The following HERC5 variants were observed in gnomAD, a reference collection of about 807,000 sequenced individuals.
HERC5 encodes HECT and RLD domain containing E3 ubiquitin protein ligase 5.
In HERC5, 99 loss-of-function variants were observed where a neutral mutation model predicts 119.6. That is an observed-to-expected ratio of 0.83 (90% confidence interval 0.70 to 0.98). The LOEUF (loss-of-function observed/expected upper bound fraction) is 0.98, where lower values mean the gene tolerates loss of function less well. Among genes scored for constraint, HERC5 ranks in the 50% least tolerant of loss-of-function variants. The probability of loss-of-function intolerance (pLI) is 0.00; values close to 1 mark genes in which losing one functional copy is unlikely to be tolerated. For synonymous variants in HERC5, 478 were observed against 445.9 expected (o/e 1.07, Z -0.91); for missense variants, 1,267 against 1,241.3 (o/e 1.02, Z -0.31).
chr4:88,457,236 C>T lies in HERC5; in HGVS notation c.-34C>T. On this transcript the variant is annotated 5_prime_UTR_variant, in exon 1 of 23. Coordinates refer to ENST00000264350, the MANE Select transcript of HERC5 (RefSeq NM_016323.4). Reference sequence around the variant, plus strand: ...GTCCCGGGACCAGGCGTTCTCTCCTCTCGCCTCTGGGCCTGGGACCCCGCA... The same window carrying T: ...GTCCCGGGACCAGGCGTTCTCTCCTTTCGCCTCTGGGCCTGGGACCCCGCA... 1.5e-6 allele frequency: 2 copies of T among 1,300,696 alleles called. No individual in the cohort carries two copies. The highest frequency in any genetic ancestry group is 4.1e-5 in the South Asian group (2 of 48,234). The allele number at this position is 1,300,696 out of a possible 1,614,324, so 80.6% of individuals were successfully genotyped here. A position where few individuals can be genotyped will look rare whatever the true frequency, so the allele number is the denominator to read the frequency against.
intron 12 of HERC5, among the ~76,000 whole-genome samples, chr4:88,477,573 A>AG (rs1274555929): frequency 4.1e-5 from 2 of 48,780 alleles, no homozygotes; most frequent in Non-Finnish European, 7.6e-5. Flanking sequence ...AAGGGAGGGG[A>AG]GGGGATGGGA....
intron 1 of HERC5, chr4:88,457,886 TC>T: frequency 9.5e-7 from 1 of 1,057,602 alleles, no homozygotes; most frequent in Non-Finnish European, 1.1e-6. Context: ...TCCCACTGTC[TC>T]GTTTTGAGAA....
Position 88,457,125 on chromosome 4 carries a change from T to G in HERC5, c.-145T>G, listed in dbSNP as rs531374542. The G allele has an allele frequency of 1.1e-5, 13 of 1,232,158 alleles. No individual in the cohort carries two copies. In the African/African-American group the frequency reaches 1.2e-4, roughly 12 times the overall value. The allele number at this position is 1,232,158 out of a possible 1,614,324, so 76.3% of individuals were successfully genotyped here. On this transcript the variant is annotated 5_prime_UTR_variant, in exon 1 of 23. Coordinates refer to ENST00000264350, the MANE Select transcript of HERC5 (RefSeq NM_016323.4). ...GGCGTCCCGGCAGGGGCTCAGTAGC[T>G]GAGGCTGCGGTTCCCCGACGCCACG...
intron 12 of HERC5, among the ~76,000 whole-genome samples, chr4:88,478,029 C>T (rs1395273727): frequency 6.6e-6 from 1 of 152,132 alleles, no homozygotes; most frequent in Non-Finnish European, 1.5e-5. Context: ...TATTTTTTCA[C>T]AAATTAATTA....
chr4:88,497,648 C>T (rs1236170698), intron 18 of HERC5, among the ~76,000 whole-genome samples: 1 of 152,116 alleles, frequency 6.6e-6, no homozygotes, highest in Non-Finnish European at 1.5e-5. Flanking sequence ...TGGAATTTAT[C>T]ATTAGAAAAA....
chr4:88,486,399 A>G lies in HERC5; in HGVS notation c.1851+171A>G, dbSNP rs1156348748. Among the ~76,000 whole-genome samples, 3 of 152,186 alleles carry G rather than the reference A, an allele frequency of 2.0e-5. No individual in the cohort carries two copies. The East Asian group carries it at 5.8e-4, about 29-fold the overall frequency. On this transcript the variant is annotated intron_variant, in intron 14 of 22. Coordinates refer to ENST00000264350, the MANE Select transcript of HERC5 (RefSeq NM_016323.4). ...GAGTTCCAGCAGAAAAGTGATTGGCACCTTGGGAGATGACTATGGGAGTAT... is the reference window on the plus strand; with the variant it reads ...GAGTTCCAGCAGAAAAGTGATTGGCGCCTTGGGAGATGACTATGGGAGTAT...
chr4:88,480,663 GA>G (rs1189078361), intron 13 of HERC5, among the ~76,000 whole-genome samples: 14 of 152,096 alleles, frequency 9.2e-5, no homozygotes. Flanking sequence ...CAGATGATGA[GA>G]ATTCCCATTG....
At chr4:88,494,463 G>A (rs751116510) in intron 18 of HERC5, 132 bp downstream of exon 18, 40 of 743,716 alleles carry the variant, frequency 5.4e-5, no homozygotes, top group Non-Finnish European at 8.5e-5. Flanking sequence ...TTTTAACTTT[G>A]ACAAGAATTG....
chr4:88,457,755 C>G, intron 1 of HERC5: 1 of 643,838 alleles, frequency 1.6e-6, no homozygotes, highest in Non-Finnish European at 2.2e-6. Flanking sequence ...ACCAGCGGAT[C>G]CTCCGCTCAG....
chr4:88,475,851 G>A lies in HERC5; in HGVS notation c.1403G>A (p.Cys468Tyr), dbSNP rs761320899. Residue 468 changes from cysteine to tyrosine, a missense_variant, in exon 12 of 23, where the codon TGC becomes TAC. Coordinates refer to ENST00000264350, the MANE Select transcript of HERC5 (RefSeq NM_016323.4). ...CCTTTCTGACCACAGATAACCACCT[G>A]CCTCAAAGATAATCTGCTCAAAAGA... ...KDWITNMITT[C>Y]LKDNLLKRLP... The A allele has an allele frequency of 5.6e-6, 9 of 1,613,754 alleles. No individual in the cohort carries two copies. The highest frequency in any genetic ancestry group is 5.0e-5 in the Admixed American group (3 of 59,962).
intron 6 of HERC5, among the ~76,000 whole-genome samples, 183 bp downstream of exon 6, chr4:88,464,168 A>ATTTTTTTTTTTTTTTTTTTTTTTTTTTTG (rs374132307): frequency 9.0e-6 from 1 of 111,220 alleles, no homozygotes. Flanking sequence ...GTTTTCTTTG[A>ATTTTTTTTTTTTTTTTTTTTTTTTTTTTG]TTTTTTTTTT....
intron 3 of HERC5, among the ~76,000 whole-genome samples, chr4:88,461,441 C>T (rs1406464268): frequency 6.6e-6 from 1 of 152,156 alleles, no homozygotes; most frequent in African/African-American, 2.4e-5. Flanking sequence ...TCATTATATT[C>T]CTGGTGGTTG....
At position 88,468,375 on chromosome 4, in the gene HERC5, A is replaced by G. The variant is rs1202453363; in HGVS notation, c.1087A>G (p.Met363Val). 16 of 1,611,976 alleles carry G rather than the reference A, an allele frequency of 9.9e-6. No homozygotes were observed. Among genetic ancestry groups the G allele is most frequent in the African/African-American group, 2.7e-5 (2 of 74,960 alleles). The stretch of plus-strand genomic sequence containing the variant: ...CCATACCTCAGAAAAGGAGTTAATA[A>G]TGATTGCTGGAGGGAATCAAAGCAT... Reference protein sequence around the residue: ...ESHTSEKELIMIAGGNQSILL... With the variant: ...ESHTSEKELIVIAGGNQSILL... Residue 363 changes from methionine to valine, a missense_variant, in exon 8 of 23, where the codon ATG (methionine) becomes GTG (valine). Physicochemically the swap from Met to Val is conservative, Grantham distance 21. Transcript: ENST00000264350.
At chr4:88,479,059 G>T (rs928927568) in intron 12 of HERC5, among the ~76,000 whole-genome samples, 4 of 152,114 alleles carry the variant, frequency 2.6e-5, no homozygotes, top group Non-Finnish European at 4.4e-5. Context: ...GCAAAGGTGG[G>T]CGGATCACCT....
At chr4:88,458,568 C>T (rs1188599684) in intron 1 of HERC5, among the ~76,000 whole-genome samples, 1 of 151,876 alleles carries the variant, frequency 6.6e-6, no homozygotes, top group Non-Finnish European at 1.5e-5. Flanking sequence ...TAAAAGAAAC[C>T]GTTAGTCTGC....
In HERC5 at chr4:88,480,507, G is replaced by A. The variant is rs957684657; in HGVS notation, c.1737+1000G>A. On this transcript the variant is annotated intron_variant, in intron 13 of 22. Coordinates refer to ENST00000264350, the MANE Select transcript of HERC5 (RefSeq NM_016323.4). ...AAAACATGCTGCTATAAACATTTTT[G>A]TTCATATCTCTTGGTTTTCTTGTAT... Among the ~76,000 whole-genome samples the A allele has an allele frequency of 9.6e-5, 14 of 146,128 alleles. No homozygotes were observed. The East Asian group carries it at 2.6e-3, about 28-fold the overall frequency.
chr4:88,458,662 A>G (rs768034556), intron 1 of HERC5, among the ~76,000 whole-genome samples: 11 of 152,276 alleles, frequency 7.2e-5, no homozygotes, highest in Non-Finnish European at 1.5e-4. Context: ...ACACGAATAG[A>G]TTCTATTTCA....
chr4:88,471,540 T>C (rs1476916674), intron 10 of HERC5, among the ~76,000 whole-genome samples: 1 of 149,656 alleles, frequency 6.7e-6, no homozygotes, highest in African/African-American at 2.5e-5. Context: ...GCAGCTTTGC[T>C]ATGTTGCCCA....
rs187656297 is a variant in HERC5 at position 88,503,870 on chromosome 4, G to A, written c.2583-362G>A. ...TCACAAGGTCAGGAGTTTGAGAGCA[G>A]CCTGGCCAACATGGTAAAACCCCAT... On this transcript the variant is annotated intron_variant, in intron 20 of 22. Coordinates refer to ENST00000264350, the MANE Select transcript of HERC5 (RefSeq NM_016323.4). Among the ~76,000 whole-genome samples, 5 of 152,200 alleles carry A rather than the reference G, an allele frequency of 3.3e-5. No individual in the cohort carries two copies. In the East Asian group the frequency reaches 9.7e-4, roughly 29 times the overall value.
Sources: gnomAD v4.1 joint callset for allele counts (sites outside exome capture counted in the v4.1 genomes callset) on GRCh38, gnomAD v4.1.1 for gene constraint, MANE v1.5 for transcripts, NCBI Gene and HGNC (gene_info 2026-07-23, HGNC 2026-07-21) for gene names.